UNC13C: variants seen among roughly 807,000 people sequenced by gnomAD.
UNC13C encodes unc-13 homolog C, also known as protein unc-13 homolog C.
A neutral mutation model predicts 245.4 loss-of-function variants in UNC13C; 174 were observed. The observed-to-expected ratio is 0.71, with a 90% confidence interval of 0.63 to 0.80. The LOEUF (loss-of-function observed/expected upper bound fraction) is 0.80. Ranked by LOEUF, UNC13C falls within the 30% of genes least tolerant of loss-of-function variation. UNC13C has a pLI of 0.00. For synonymous variants in UNC13C, 992 were observed against 895.1 expected (o/e 1.11, Z -1.93); for missense variants, 2,829 against 2,602.9 (o/e 1.09, Z -1.89).
chr15:54,399,452 C>G (rs973913647), intron 18 of UNC13C, among the ~76,000 whole-genome samples: 3 of 151,716 alleles, frequency 2.0e-5, no homozygotes, highest in African/African-American at 7.2e-5. Context: ...CTTCATATTA[C>G]TTTGTTTTTG....
chr15:54,293,880 C>A lies in UNC13C; in HGVS notation c.3819-15C>A. On this transcript the variant is annotated splice_polypyrimidine_tract_variant and intron_variant, in intron 10 of 32. Transcript: ENST00000260323. ...AGTTTTCAATTGTTGTTAACTTATC[C>A]ACATTTATTTTCAGTGAGTGTCATA... 2 of 1,514,188 alleles carry A rather than the reference C, an allele frequency of 1.3e-6. No individual in the cohort carries two copies. The highest frequency in any genetic ancestry group is 1.3e-5 in the South Asian group (1 of 74,190). 93.8% of individuals were successfully genotyped at this position (1,514,188 alleles called of 1,614,324 possible).
chr15:54,310,297 A>G (rs1358252616), intron 13 of UNC13C, among the ~76,000 whole-genome samples: 1 of 151,908 alleles, frequency 6.6e-6, no homozygotes, highest in Non-Finnish European at 1.5e-5. Context: ...CTTGGCTGTA[A>G]CTACACATAA....
At chr15:54,411,616 A>G (rs934880155) in intron 18 of UNC13C, among the ~76,000 whole-genome samples, 1 of 152,084 alleles carries the variant, frequency 6.6e-6, no homozygotes, top group East Asian at 1.9e-4. Flanking sequence ...CTTCACTGAC[A>G]TACTGTTACA....
intron 19 of UNC13C, among the ~76,000 whole-genome samples, chr15:54,445,329 C>G (rs1420440903): frequency 1.3e-5 from 2 of 151,984 alleles, no homozygotes; most frequent in Non-Finnish European, 2.9e-5. Flanking sequence ...GGGTATATAC[C>G]CAGTAATGGG....
chr15:54,302,916 C>T (rs1287341896), intron 13 of UNC13C, among the ~76,000 whole-genome samples: 1 of 151,990 alleles, frequency 6.6e-6, no homozygotes, highest in East Asian at 1.9e-4. Context: ...AATCTCTAAT[C>T]ATAATTCTAG....
At chr15:54,121,035 G>A (rs534614811) in intron 2 of UNC13C, among the ~76,000 whole-genome samples, 6 of 152,188 alleles carry the variant, frequency 3.9e-5, no homozygotes, top group Non-Finnish European at 7.4e-5. Context: ...ATATTACTAC[G>A]TAAATTTAGT....
intron 30 of UNC13C, among the ~76,000 whole-genome samples, chr15:54,603,348 C>G (rs904814916): frequency 2.0e-5 from 3 of 152,186 alleles, no homozygotes; most frequent in African/African-American, 7.2e-5. Flanking sequence ...GAGAAAAACA[C>G]TTGACACAAA....
Position 54,569,538 on chromosome 15 carries a change from A to T in UNC13C, c.6106+1591A>T, listed in dbSNP as rs1897660403. Among the ~76,000 whole-genome samples the T allele has an allele frequency of 2.6e-5, 4 of 152,050 alleles. No individual in the cohort carries two copies. In the South Asian group the frequency reaches 8.3e-4, roughly 32 times the overall value. ...GGTTGAATCTATGGATGCAGAATCC[A>T]TGGATATCAAGGGCCGACTGTGTGT... On this transcript the variant is annotated intron_variant, in intron 30 of 32. Transcript: ENST00000260323.
intron 17 of UNC13C, among the ~76,000 whole-genome samples, chr15:54,353,454 C>G (rs1325726660): frequency 6.6e-6 from 1 of 152,080 alleles, no homozygotes; most frequent in Admixed American, 6.6e-5. Context: ...TAAAACAAAA[C>G]AAAACATTAT....
At chr15:54,020,195 G>A (rs1169125903) in intron 2 of UNC13C, among the ~76,000 whole-genome samples, 3 of 151,912 alleles carry the variant, frequency 2.0e-5, no homozygotes, top group Non-Finnish European at 4.4e-5. Flanking sequence ...CTGCTCACAC[G>A]GCGTTCTTAA....
At chr15:54,559,304 T>G (rs1309920285) in intron 29 of UNC13C, among the ~76,000 whole-genome samples, 1 of 152,052 alleles carries the variant, frequency 6.6e-6, no homozygotes. Context: ...ATGAACCACA[T>G]TTTATTCCTC....
chr15:53,937,443 C>A, the UNC13C span, among the ~76,000 whole-genome samples: 3,068 of 152,144 alleles, frequency 0.02, 107 homozygotes, highest in African/African-American at 0.072. Flanking sequence ...AGGACAGAAC[C>A]AAGTTACAAA....
chr15:54,282,979 G>T (rs1156524109), intron 10 of UNC13C, among the ~76,000 whole-genome samples: 2 of 152,108 alleles, frequency 1.3e-5, no homozygotes, highest in Admixed American at 6.6e-5. Context: ...TGCAAAAAAG[G>T]TTAAAGTGAA....
intron 30 of UNC13C, among the ~76,000 whole-genome samples, chr15:54,619,945 A>G (rs1376675910): frequency 6.6e-6 from 1 of 152,168 alleles, no homozygotes; most frequent in Non-Finnish European, 1.5e-5. Flanking sequence ...AATTCTAAAT[A>G]GCATGACTAT....
intron 10 of UNC13C, among the ~76,000 whole-genome samples, chr15:54,283,490 G>A (rs2037055421): frequency 6.6e-6 from 1 of 151,744 alleles, no homozygotes; most frequent in Non-Finnish European, 1.5e-5. Context: ...TGATTTTATT[G>A]TATCAGTATA....
chr15:54,193,025 G>A (rs1020648074), intron 4 of UNC13C, among the ~76,000 whole-genome samples: 8 of 152,038 alleles, frequency 5.3e-5, no homozygotes, highest in Non-Finnish European at 1.2e-4. Context: ...TGAACTTACT[G>A]TACATTACCA....
the UNC13C span, among the ~76,000 whole-genome samples, chr15:53,945,658 AG>A: frequency 6.6e-6 from 1 of 152,062 alleles, no homozygotes; most frequent in Non-Finnish European, 1.5e-5. Context: ...CCTGTAGAAT[AG>A]GTTGAAGTCA....
At chr15:54,261,506 G>A (rs562520898) in intron 8 of UNC13C, among the ~76,000 whole-genome samples, 1 of 149,956 alleles carries the variant, frequency 6.7e-6, no homozygotes, top group Non-Finnish European at 1.5e-5. Flanking sequence ...AAATGCAAAA[G>A]TAGAAATTTT....
chr15:54,069,755 ATGG>A (rs768988401), intron 2 of UNC13C, among the ~76,000 whole-genome samples: 1 of 152,218 alleles, frequency 6.6e-6, no homozygotes, highest in Non-Finnish European at 1.5e-5. Flanking sequence ...GCCTTGAACT[ATGG>A]TGAAGTAGAT....
Sources: allele counts gnomAD v4.1 joint callset (sites outside exome capture counted in the v4.1 genomes callset), GRCh38; gene constraint gnomAD v4.1.1; transcripts MANE v1.5; gene names NCBI Gene and HGNC (gene_info 2026-07-23, HGNC 2026-07-21).